Variants in WDPCP observed in about 807,000 individuals in gnomAD.
WDPCP encodes WD repeat-containing and planar cell polarity effector protein fritz homolog.
WDPCP carries 71 observed loss-of-function variants against 93.1 expected under a neutral mutation model. The observed-to-expected ratio is 0.76, with a 90% CI of 0.63 to 0.93. The LOEUF (loss-of-function observed/expected upper bound fraction) is 0.93. Among genes scored for constraint, WDPCP ranks in the 40% least tolerant of loss-of-function variants. The pLI is 0.00. For missense variants in WDPCP, 844 were observed against 887.4 expected, an observed-to-expected ratio of 0.95 and a Z score of 0.62; for synonymous variants, 315 against 315.0, an observed-to-expected ratio of 1.00 and a Z score of 0.00.
At chr2:63,465,034 C>T (rs1699252720) in intron 6 of WDPCP, among the ~76,000 whole-genome samples, 1 of 151,422 alleles carries the variant, frequency 6.6e-6, no homozygotes, top group African/African-American at 2.4e-5. Context: ...TTTAAAAACA[C>T]AGTACCATAT....
intron 17 of WDPCP, among the ~76,000 whole-genome samples, chr2:63,135,800 T>C (rs1247353986): frequency 6.6e-6 from 1 of 152,180 alleles, no homozygotes; most frequent in East Asian, 1.9e-4. Context: ...GGTGTGATTA[T>C]GGCCTACTGC....
intron 13 of WDPCP, among the ~76,000 whole-genome samples, chr2:63,268,523 A>G (rs1159369546): frequency 1.3e-5 from 2 of 152,134 alleles, no homozygotes; most frequent in African/African-American, 2.4e-5. Flanking sequence ...CTGCAGTACA[A>G]TGGCACAACC....
chr2:63,585,011 T>G (rs1708741780), intron 1 of WDPCP, among the ~76,000 whole-genome samples: 1 of 152,202 alleles, frequency 6.6e-6, no homozygotes, highest in South Asian at 2.1e-4. Flanking sequence ...GCAACTTGAC[T>G]ACGTAATGAT....
At chr2:63,205,150 T>C (rs1432312314) in intron 14 of WDPCP, among the ~76,000 whole-genome samples, 1 of 152,206 alleles carries the variant, frequency 6.6e-6, no homozygotes, top group Non-Finnish European at 1.5e-5. Flanking sequence ...ATGAGTTCAC[T>C]GGAGGTGCGT....
intron 14 of WDPCP, among the ~76,000 whole-genome samples, chr2:63,196,186 A>G (rs1479575863): frequency 6.6e-6 from 1 of 152,232 alleles, no homozygotes; most frequent in Non-Finnish European, 1.5e-5. Context: ...TGATGCTGGA[A>G]TTTCTGCCAA....
chr2:63,531,539 T>A (rs1703848558), intron 1 of WDPCP, among the ~76,000 whole-genome samples: 1 of 152,168 alleles, frequency 6.6e-6, no homozygotes, highest in South Asian at 2.1e-4. Context: ...ATATATGCTG[T>A]TCTGCAGCCT....
At chr2:63,446,042 T>C (rs958186862) in intron 6 of WDPCP, among the ~76,000 whole-genome samples, 1 of 152,176 alleles carries the variant, frequency 6.6e-6, no homozygotes, top group African/African-American at 2.4e-5. Context: ...AAATCCTATA[T>C]ACTCCTTCAC....
chr2:63,471,118 T>C (rs1699665491), intron 6 of WDPCP, among the ~76,000 whole-genome samples: 1 of 152,210 alleles, frequency 6.6e-6, no homozygotes, highest in South Asian at 2.1e-4. Flanking sequence ...TTATTCATCT[T>C]TTCTTGACTC....
At chr2:63,546,138 G>A (rs907388592) in intron 1 of WDPCP, among the ~76,000 whole-genome samples, 1 of 152,144 alleles carries the variant, frequency 6.6e-6, no homozygotes, top group Non-Finnish European at 1.5e-5. Flanking sequence ...GCTTGGGAGG[G>A]CCTTAGCCTG....
intron 1 of WDPCP, among the ~76,000 whole-genome samples, chr2:63,825,785 G>A (rs922105830): frequency 1.3e-5 from 2 of 151,940 alleles, no homozygotes; most frequent in Non-Finnish European, 2.9e-5. Context: ...ACCTATTACT[G>A]CTGCTCACAT....
intron 13 of WDPCP, among the ~76,000 whole-genome samples, chr2:63,288,943 A>AT (rs929275788): frequency 4.1e-4 from 62 of 149,442 alleles, no homozygotes; most frequent in East Asian, 3.9e-3. Flanking sequence ...TGGGTTATGC[A>AT]TTTTTTTTTC....
At chr2:63,624,330 A>AGCCC (rs1709783505) in intron 3 of WDPCP, among the ~76,000 whole-genome samples, 1 of 152,206 alleles carries the variant, frequency 6.6e-6, no homozygotes, top group Non-Finnish European at 1.5e-5. Flanking sequence ...GAAATAACTA[A>AGCCC]GATTAGAGCA....
intron 2 of WDPCP, among the ~76,000 whole-genome samples, chr2:63,667,902 C>A (rs1332121526): frequency 1.3e-5 from 2 of 152,132 alleles, no homozygotes; most frequent in Non-Finnish European, 2.9e-5. Flanking sequence ...TTAGGGCTGC[C>A]AGGGAATGTT....
intron 2 of WDPCP, among the ~76,000 whole-genome samples, chr2:63,794,347 C>T (rs1453254623): frequency 6.6e-6 from 1 of 152,186 alleles, no homozygotes; most frequent in African/African-American, 2.4e-5. Flanking sequence ...TCCTCTTTGC[C>T]TGTAACTGGT....
chr2:63,356,901 C>G (rs1442620155), intron 12 of WDPCP, among the ~76,000 whole-genome samples: 1 of 152,160 alleles, frequency 6.6e-6, no homozygotes, highest in Non-Finnish European at 1.5e-5. Flanking sequence ...GTAACTAAAA[C>G]AGCGTGCTAC....
chr2:63,536,773 C>CTTTTTTTTT (rs58661370), intron 1 of WDPCP, among the ~76,000 whole-genome samples: 3,190 of 93,376 alleles, frequency 0.034, 449 homozygotes, highest in African/African-American at 0.071. Flanking sequence ...ATTCTTCATG[C>CTTTTTTTTT]TTTTTTTTTT....
At chr2:63,802,925 C>T (rs1670716946) in intron 2 of WDPCP, among the ~76,000 whole-genome samples, 1 of 152,182 alleles carries the variant, frequency 6.6e-6, no homozygotes, top group Non-Finnish European at 1.5e-5. Context: ...TGAAACACTG[C>T]ACCTGTTCAA....
chr2:63,162,418 C>T (rs1233665546), intron 15 of WDPCP, among the ~76,000 whole-genome samples: 1 of 152,148 alleles, frequency 6.6e-6, no homozygotes, highest in South Asian at 2.1e-4. Flanking sequence ...CTTTCATTGA[C>T]TTCATGAAAC....
chr2:63,717,695 G>T, intron 2 of WDPCP: 1 of 479,638 alleles, frequency 2.1e-6, no homozygotes, highest in South Asian at 1.6e-5. Flanking sequence ...GCAAGGCCAA[G>T]AATCCTTGGC....
Sources: gnomAD v4.1 joint callset for allele counts (sites outside exome capture counted in the v4.1 genomes callset) on GRCh38, gnomAD v4.1.1 for gene constraint, MANE v1.5 for transcripts, NCBI Gene and HGNC (gene_info 2026-07-23, HGNC 2026-07-21) for gene names.